Variants in ZNF431 observed in about 807,000 individuals in gnomAD.
ZNF431 encodes the protein zinc finger protein 431.
In ZNF431, 34 loss-of-function variants were observed where a neutral mutation model predicts 57.0. That is an observed-to-expected ratio of 0.60 (90% CI 0.45 to 0.79). The LOEUF is 0.79. Ranked by LOEUF, ZNF431 falls within the 30% of genes least tolerant of loss-of-function variation. ZNF431 has a pLI of 0.00. For synonymous variants in ZNF431, 207 were observed against 220.3 expected (o/e 0.94, Z 0.54); for missense variants, 607 against 667.1 (o/e 0.91, Z 0.99).
intron 2 of ZNF431, among the ~76,000 whole-genome samples, chr19:21,145,326 A>G (rs1485726638): frequency 1.3e-5 from 2 of 152,178 alleles, no homozygotes; most frequent in African/African-American, 4.8e-5. Context: ...ATACAAAAAA[A>G]TTAGCCAGGC....
At position 21,167,472 on chromosome 19, in the gene ZNF431, T is replaced by C. The variant is rs1970754404; in HGVS notation, c.224-99T>C. 4 of 931,966 alleles carry C rather than the reference T, an allele frequency of 4.3e-6. No homozygotes were observed. The East Asian group carries it at 1.7e-4, about 40-fold the overall frequency. 57.7% of individuals were successfully genotyped at this position (931,966 alleles called of 1,614,324 possible). A position where few individuals can be genotyped will look rare whatever the true frequency, so the allele number is the denominator to read the frequency against. On this transcript the variant is annotated intron_variant, in intron 3 of 4. Transcript: ENST00000311048. ...CTGCGCCCAGCCTTTGGATTAATTT[T>C]CTAAAATATTCTATCACATCCTTTT...
intron 2 of ZNF431, among the ~76,000 whole-genome samples, chr19:21,149,075 A>G (rs960909233): frequency 1.3e-5 from 2 of 152,254 alleles, no homozygotes; most frequent in Non-Finnish European, 2.9e-5. Flanking sequence ...TGTCCTAAAC[A>G]TCCCTCTTTT....
At chr19:21,157,788 A>G (rs2144964302) in intron 2 of ZNF431, among the ~76,000 whole-genome samples, 1 of 151,808 alleles carries the variant, frequency 6.6e-6, no homozygotes, top group South Asian at 2.1e-4. Flanking sequence ...TCGGCCTCCC[A>G]AAGTGCTGGG....
At chr19:21,171,712 A>ATTT (rs550012306) in intron 4 of ZNF431, among the ~76,000 whole-genome samples, 2 of 90,908 alleles carry the variant, frequency 2.2e-5, no homozygotes, top group African/African-American at 4.6e-5. Context: ...ATATATATAT[A>ATTT]TTTTTTTTTT....
At chr19:21,160,144 G>A (rs1793259780) in intron 2 of ZNF431, among the ~76,000 whole-genome samples, 1 of 152,024 alleles carries the variant, frequency 6.6e-6, no homozygotes, top group African/African-American at 2.4e-5. Flanking sequence ...GCTTCTGCCT[G>A]GGATTCACAA....
rs1007767636 is a variant in ZNF431 at position 21,195,041 on chromosome 19, G to C, written c.*11007G>C. ...AAAATAATGAATGCTGGTGTCAGTG[G>C]TTGGGAATAACAACATTTGCAGGCT... On this transcript the variant is annotated 3_prime_UTR_variant, in exon 5 of 5. Coordinates refer to ENST00000311048, the MANE Select transcript of ZNF431 (RefSeq NM_133473.4). The C allele has an allele frequency of 6.6e-6, 1 of 152,162 alleles. No individual in the cohort carries two copies. Among genetic ancestry groups the C allele is most frequent in the African/African-American group, 2.4e-5 (1 of 41,432 alleles). The allele number at this position is 152,162 out of a possible 1,614,324, so 9.4% of individuals were successfully genotyped here. A position where few individuals can be genotyped will look rare whatever the true frequency, so the allele number is the denominator to read the frequency against.
rs147851887 is a variant in ZNF431, at chr19:21,161,735, C to G, written c.97-4600C>G. 2.1e-4 allele frequency among the ~76,000 whole-genome samples: 32 copies of G among 152,236 alleles called. No individual in the cohort carries two copies. The East Asian group carries it at 6.2e-3, about 30-fold the overall frequency. On this transcript the variant is annotated intron_variant, in intron 2 of 4. Coordinates refer to ENST00000311048, the MANE Select transcript of ZNF431 (RefSeq NM_133473.4). ...GTGGCGCAATCTAGGCTCACTACAA[C>G]CTCCACCTCCCTGGTTCAAGTGATT...
chr19:21,175,403 T>C (rs1231613549), intron 4 of ZNF431: 1 of 696,228 alleles, frequency 1.4e-6, no homozygotes, highest in Non-Finnish European at 2.6e-6. Flanking sequence ...ATTACCAGTT[T>C]TATTGTTGTT....
At chr19:21,151,916 T>C (rs1035670708) in intron 2 of ZNF431, among the ~76,000 whole-genome samples, 1 of 152,404 alleles carries the variant, frequency 6.6e-6, no homozygotes, top group African/African-American at 2.4e-5. Context: ...GCTAGAAGTC[T>C]CGTCAGAAAT....
Position 21,193,346 on chromosome 19 carries a change from T to G in ZNF431, c.*9312T>G, listed in dbSNP as rs1333738211. 2 of 152,194 alleles carry G rather than the reference T, an allele frequency of 1.3e-5. No homozygotes were observed. The highest frequency in any genetic ancestry group is 1.3e-4 in the Admixed American group (2 of 15,276). 9.4% of individuals were successfully genotyped at this position (152,194 alleles called of 1,614,324 possible). ...GAGTTTGAGACCAGCCTGCCCAACG[T>G]GGTGAAACCCCATCTCTGCTAAAAT... On this transcript the variant is annotated 3_prime_UTR_variant, in exon 5 of 5. Transcript: ENST00000311048.
Position 21,193,855 on chromosome 19 carries a change from C to A in ZNF431, c.*9821C>A, listed in dbSNP as rs1456871818. 6.6e-6 allele frequency: 1 copy of A among 152,110 alleles called. No homozygotes were observed. The highest frequency in any genetic ancestry group is 2.4e-5 in the African/African-American group (1 of 41,416). 9.4% of individuals were successfully genotyped at this position (152,110 alleles called of 1,614,324 possible). ...TCCAGTATTCATTTATGAAAATATTCTCTAAGCAATGATGAAACATACCTC... is the reference window on the plus strand; with the variant it reads ...TCCAGTATTCATTTATGAAAATATTATCTAAGCAATGATGAAACATACCTC... On this transcript the variant is annotated 3_prime_UTR_variant, in exon 5 of 5. Transcript: ENST00000311048.
At chr19:21,148,994 C>G (rs556188671) in intron 2 of ZNF431, among the ~76,000 whole-genome samples, 117 of 152,294 alleles carry the variant, frequency 7.7e-4, no homozygotes, top group Middle Eastern at 3.4e-3. Flanking sequence ...ACATTTCTTG[C>G]ATAAATTTCC....
At chr19:21,171,856 G>GACC (rs1283947680) in intron 4 of ZNF431, among the ~76,000 whole-genome samples, 1 of 150,622 alleles carries the variant, frequency 6.6e-6, no homozygotes, top group Admixed American at 6.6e-5. Flanking sequence ...GAGTTGCTGG[G>GACC]ACTACAGGCA....
intron 3 of ZNF431, among the ~76,000 whole-genome samples, 166 bp from the exon 4 acceptor site, chr19:21,167,405 C>T (rs978704153): frequency 5.3e-5 from 8 of 152,056 alleles, no homozygotes; most frequent in Non-Finnish European, 7.4e-5. Flanking sequence ...GTGATCTGTC[C>T]GTCTCGGCCT....
intron 2 of ZNF431, among the ~76,000 whole-genome samples, chr19:21,148,657 T>C (rs1399720605): frequency 2.0e-5 from 3 of 152,328 alleles, no homozygotes; most frequent in Non-Finnish European, 2.9e-5. Context: ...CAAAAACATA[T>C]TTCACTTTCT....
chr19:21,165,092 C>CAA (rs58552017), intron 2 of ZNF431, among the ~76,000 whole-genome samples: 248 of 132,922 alleles, frequency 1.9e-3, no homozygotes, highest in African/African-American at 6.6e-3. Flanking sequence ...CTGGGCAACT[C>CAA]AAAAAAAAAA....
rs1971510882 is a variant in ZNF431, at chr19:21,191,579, T to C, written c.*7545T>C. The C allele has an allele frequency of 6.6e-6, 1 of 152,238 alleles. No homozygotes were observed. 9.4% of individuals were successfully genotyped at this position (152,238 alleles called of 1,614,324 possible). On this transcript the variant is annotated 3_prime_UTR_variant, in exon 5 of 5. Transcript: ENST00000311048. ...AATTTATTTCGAGTTTATTTTTACA[T>C]ATGGTGTGAGATGAGGGTCTCAATT...
At chr19:21,180,535 T>G (rs541672682) in intron 4 of ZNF431, among the ~76,000 whole-genome samples, 4 of 150,054 alleles carry the variant, frequency 2.7e-5, no homozygotes, top group African/African-American at 9.8e-5. Flanking sequence ...GTACTTATCT[T>G]GGTATGCTTT....
intron 4 of ZNF431, among the ~76,000 whole-genome samples, chr19:21,178,204 T>G (rs770293242): frequency 6.6e-5 from 10 of 152,196 alleles, no homozygotes; most frequent in Non-Finnish European, 2.9e-5. Context: ...GCTTATTAGA[T>G]GAAGAAGCTT....
Sources: gnomAD v4.1 joint callset for allele counts (sites outside exome capture counted in the v4.1 genomes callset) on GRCh38, gnomAD v4.1.1 for gene constraint, MANE v1.5 for transcripts, NCBI Gene and HGNC (gene_info 2026-07-23, HGNC 2026-07-21) for gene names.